The following SLC12A8 variants were observed in gnomAD, a reference collection of about 807,000 sequenced individuals.
SLC12A8 encodes solute carrier family 12 member 8.
SLC12A8 carries 69 observed loss-of-function variants against 75.6 expected under a neutral mutation model. The observed-to-expected ratio is 0.91, with a 90% CI of 0.75 to 1.11. SLC12A8 has a LOEUF of 1.11. SLC12A8 is among the 50% of genes most tolerant of loss of function. SLC12A8 has a pLI of 0.00. For missense variants in SLC12A8, 877 were observed against 896.7 expected, an observed-to-expected ratio of 0.98 and a Z score of 0.28; for synonymous variants, 365 against 372.8, an observed-to-expected ratio of 0.98 and a Z score of 0.24.
intron 11 of SLC12A8, 39 bp downstream of exon 11, chr3:125,092,062 T>C (rs1253375493): frequency 4.1e-6 from 6 of 1,457,114 alleles, no homozygotes; most frequent in Non-Finnish European, 5.8e-6. Context: ...ACCTGAACTC[T>C]GTCCCAAGAA....
At chr3:125,090,451 T>C (rs1938556506) in intron 12 of SLC12A8, among the ~76,000 whole-genome samples, 1 of 152,236 alleles carries the variant, frequency 6.6e-6, no homozygotes, top group South Asian at 2.1e-4. Context: ...GTTGATAGTG[T>C]TATTCAAGTC....
rs1172134274 is a variant in SLC12A8 at position 125,107,602 on chromosome 3, C to A, written c.1584G>T (p.Trp528Cys). 5 of 1,614,200 alleles carry A rather than the reference C, an allele frequency of 3.1e-6. No individual in the cohort carries two copies. The highest frequency in any genetic ancestry group is 8.5e-7 in the Non-Finnish European group (1 of 1,180,026). The stretch of plus-strand genomic sequence containing the variant: ...TGTTCCAGCAGGACTCCTGCCCCTC[C>A]CAGGAGGCAGCGGGCAACCTGTCAG... ...EISDRLPAASWEGQESCWNKQ... is the reference protein window; with the variant it reads ...EISDRLPAASCEGQESCWNKQ... Residue 528 changes from tryptophan to cysteine, a missense_variant, in exon 10 of 14, where the codon TGG becomes TGT. Transcript: ENST00000469902.
intron 2 of SLC12A8, among the ~76,000 whole-genome samples, chr3:125,210,521 G>T (rs913371229): frequency 2.0e-5 from 3 of 152,156 alleles, no homozygotes; most frequent in Non-Finnish European, 4.4e-5. Context: ...TGTCTTATTT[G>T]TCTCTCCTTT....
intron 5 of SLC12A8, among the ~76,000 whole-genome samples, chr3:125,175,805 T>C (rs1378149973): frequency 6.6e-6 from 1 of 151,940 alleles, no homozygotes; most frequent in African/African-American, 2.4e-5. Flanking sequence ...CGTCAAATAT[T>C]TAGCAAGCTG....
intron 5 of SLC12A8, among the ~76,000 whole-genome samples, chr3:125,140,361 T>G (rs112398332): frequency 0.013 from 1,945 of 152,242 alleles, 41 homozygotes; most frequent in African/African-American, 0.045. Context: ...CTGCCTGTAT[T>G]TCACCCACTG....
Position 125,083,946 on chromosome 3 carries a change from C to T in SLC12A8, c.2089G>A (p.Asp697Asn), listed in dbSNP as rs752293540. Residue 697 changes from aspartate to asparagine, a missense_variant, in exon 14 of 14, where the codon GAT (aspartate) becomes AAT (asparagine). Coordinates refer to ENST00000469902, the MANE Select transcript of SLC12A8 (RefSeq NM_024628.6). ...TQENADFATR[D>N]RYHHSSLVNR... The stretch of plus-strand genomic sequence containing the variant: ...ACGAGGGAGGAGTGGTGGTAGCGAT[C>T]CCGAGTGGCGAAGTCTGCATTCTCC... 6.2e-7 allele frequency: 1 copy of T among 1,613,580 alleles called. No individual in the cohort carries two copies. The highest frequency in any genetic ancestry group is 1.1e-5 in the South Asian group (1 of 90,918).
intron 5 of SLC12A8, among the ~76,000 whole-genome samples, chr3:125,144,549 A>C (rs557237998): frequency 6.6e-6 from 1 of 152,256 alleles, no homozygotes; most frequent in African/African-American, 2.4e-5. Flanking sequence ...GGGGAAAGGA[A>C]TGCACTCTCC....
At chr3:125,184,015 C>T (rs1343562143) in intron 4 of SLC12A8, among the ~76,000 whole-genome samples, 1 of 151,942 alleles carries the variant, frequency 6.6e-6, no homozygotes, top group Admixed American at 6.6e-5. Flanking sequence ...CTCTGTCACC[C>T]AGGCTGGAGT....
At chr3:125,132,578 T>C (rs926281666) in intron 6 of SLC12A8, among the ~76,000 whole-genome samples, 2 of 152,202 alleles carry the variant, frequency 1.3e-5, no homozygotes, top group Admixed American at 1.3e-4. Flanking sequence ...TGCCATTTAC[T>C]GACATCAGGA....
chr3:125,084,623 C>T (rs780475908), intron 13 of SLC12A8, among the ~76,000 whole-genome samples: 1 of 152,152 alleles, frequency 6.6e-6, no homozygotes, highest in Non-Finnish European at 1.5e-5. Context: ...CATACAGTTT[C>T]GGTTGGAATA....
intron 5 of SLC12A8, among the ~76,000 whole-genome samples, chr3:125,170,652 C>T (rs931803977): frequency 3.3e-5 from 5 of 152,212 alleles, no homozygotes; most frequent in Admixed American, 6.5e-5. Flanking sequence ...TGGTGGCTCA[C>T]GCCTGTAATC....
intron 2 of SLC12A8, among the ~76,000 whole-genome samples, chr3:125,204,570 G>A (rs1320643510): frequency 6.6e-6 from 1 of 152,188 alleles, no homozygotes; most frequent in East Asian, 1.9e-4. Context: ...GGTTATCAGA[G>A]GGTGGGAAGG....
chr3:125,160,207 G>A (rs552472711), intron 5 of SLC12A8, among the ~76,000 whole-genome samples: 34 of 152,302 alleles, frequency 2.2e-4, no homozygotes, highest in Admixed American at 1.8e-3. Flanking sequence ...GCCTCCCAAA[G>A]TGCTGGGATT....
intron 2 of SLC12A8, among the ~76,000 whole-genome samples, chr3:125,194,768 C>A (rs1004159166): frequency 6.6e-6 from 1 of 152,234 alleles, no homozygotes; most frequent in Admixed American, 6.5e-5. Flanking sequence ...CCAAAGTGCA[C>A]CTGCAGAGAC....
intron 8 of SLC12A8, among the ~76,000 whole-genome samples, chr3:125,114,741 T>C (rs1409389719): frequency 1.3e-5 from 2 of 152,218 alleles, no homozygotes; most frequent in South Asian, 2.1e-4. Context: ...TTAACAATAA[T>C]ACTTTTGGGA....
chr3:125,156,580 G>A (rs1015558048), intron 5 of SLC12A8, among the ~76,000 whole-genome samples: 2 of 152,178 alleles, frequency 1.3e-5, no homozygotes, highest in African/African-American at 2.4e-5. Flanking sequence ...CGATGGCGGT[G>A]GTGGACCAAA....
intron 2 of SLC12A8, among the ~76,000 whole-genome samples, chr3:125,201,523 C>T (rs1935117828): frequency 6.6e-6 from 1 of 151,762 alleles, no homozygotes. Flanking sequence ...ACCTGTAATC[C>T]CAGTACTTTG....
chr3:125,206,206 A>G (rs1216656945), intron 2 of SLC12A8, among the ~76,000 whole-genome samples: 1 of 152,230 alleles, frequency 6.6e-6, no homozygotes, highest in Non-Finnish European at 1.5e-5. Flanking sequence ...ATGAGCACTC[A>G]GAAAATATGA....
chr3:125,117,079 T>C (rs1939331650), intron 8 of SLC12A8, among the ~76,000 whole-genome samples: 1 of 152,222 alleles, frequency 6.6e-6, no homozygotes, highest in South Asian at 2.1e-4. Flanking sequence ...CCAAAAAATC[T>C]GCTTTTATAC....
Sources: allele counts gnomAD v4.1 joint callset (sites outside exome capture counted in the v4.1 genomes callset), GRCh38; gene constraint gnomAD v4.1.1; transcripts MANE v1.5; gene names NCBI Gene and HGNC (gene_info 2026-07-23, HGNC 2026-07-21).